Variants in EXOC6B observed in about 807,000 individuals in gnomAD.
EXOC6B encodes SEC15 homolog B.
EXOC6B carries 54 observed loss-of-function variants against 113.5 expected under a neutral mutation model. The observed-to-expected ratio is 0.48, with a 90% CI of 0.38 to 0.60. EXOC6B has a LOEUF of 0.60. Among genes scored for constraint, EXOC6B ranks in the 20% least tolerant of loss-of-function variants. EXOC6B has a pLI of 0.00. For synonymous variants in EXOC6B, 357 were observed against 339.0 expected, an observed-to-expected ratio of 1.05 and a Z score of -0.58; for missense variants, 797 against 977.5, an observed-to-expected ratio of 0.82 and a Z score of 2.46.
rs57679690 is a variant in EXOC6B, at chr2:72,189,860, CT to C, written c.2197-5674del. 3.9e-3 allele frequency among the ~76,000 whole-genome samples: 343 copies of C among 87,194 alleles called. 1 individual carries two copies. The highest frequency in any genetic ancestry group is 0.01 in the African/African-American group (154 of 15,340). 57.2% of individuals were successfully genotyped at this position (87,194 alleles called of 152,430 possible). A position where few individuals can be genotyped will look rare whatever the true frequency, so the allele number is the denominator to read the frequency against. On this transcript the variant is annotated intron_variant, in intron 20 of 21. Transcript: ENST00000272427. ...TCTCTCTCTCTTTCTCCTTCTTCTT[CT>C]TTTTTTTTTTTTTTTTTTTGAGGCA...
intron 6 of EXOC6B, among the ~76,000 whole-genome samples, chr2:72,657,767 TA>T (rs1674702648): frequency 6.6e-6 from 1 of 151,184 alleles, no homozygotes; most frequent in African/African-American, 2.4e-5. Context: ...GAAATTCACA[TA>T]AGAGAAAAAT....
At chr2:72,201,359 A>G (rs41388) in intron 20 of EXOC6B, among the ~76,000 whole-genome samples, 47,133 of 151,962 alleles carry the variant, frequency 0.31, 7,963 homozygotes, top group African/African-American at 0.42. Flanking sequence ...TTGTGCCCAG[A>G]AAGCAGGCAG....
chr2:72,697,242 A>C (rs917515411), intron 6 of EXOC6B, among the ~76,000 whole-genome samples: 1 of 152,188 alleles, frequency 6.6e-6, no homozygotes, highest in African/African-American at 2.4e-5. Flanking sequence ...AGAATAGTAC[A>C]CATATATCAT....
At chr2:72,609,361 G>C (rs774678738) in intron 6 of EXOC6B, among the ~76,000 whole-genome samples, 1 of 151,974 alleles carries the variant, frequency 6.6e-6, no homozygotes, top group Non-Finnish European at 1.5e-5. Flanking sequence ...AGAGGGAAAA[G>C]GTAGACCATT....
intron 20 of EXOC6B, among the ~76,000 whole-genome samples, chr2:72,328,927 G>A (rs1256796059): frequency 6.6e-6 from 1 of 151,952 alleles, no homozygotes; most frequent in Non-Finnish European, 1.5e-5. Context: ...AATTCCATGA[G>A]TTATCAAGTT....
At chr2:72,259,636 T>G (rs1231874745) in intron 20 of EXOC6B, among the ~76,000 whole-genome samples, 1 of 152,230 alleles carries the variant, frequency 6.6e-6, no homozygotes, top group Non-Finnish European at 1.5e-5. Context: ...CCATTTTATA[T>G]GCCTACCAAC....
intron 20 of EXOC6B, among the ~76,000 whole-genome samples, chr2:72,306,183 A>T (rs1286311924): frequency 6.6e-6 from 1 of 152,210 alleles, no homozygotes; most frequent in African/African-American, 2.4e-5. Flanking sequence ...CATTATTTAT[A>T]AAAAACAAGG....
At chr2:72,471,405 C>T (rs895841217) in intron 17 of EXOC6B, among the ~76,000 whole-genome samples, 3 of 152,110 alleles carry the variant, frequency 2.0e-5, no homozygotes, top group Admixed American at 6.6e-5. Flanking sequence ...TTCTCCCATT[C>T]TGTAGGTTGC....
At chr2:72,746,865 C>CA (rs1681732384) in intron 1 of EXOC6B, among the ~76,000 whole-genome samples, 1 of 151,958 alleles carries the variant, frequency 6.6e-6, no homozygotes, top group Non-Finnish European at 1.5e-5. Context: ...CATGGGCCCC[C>CA]AAAATGTTAG....
At chr2:72,653,943 T>A (rs1674400091) in intron 6 of EXOC6B, among the ~76,000 whole-genome samples, 1 of 151,210 alleles carries the variant, frequency 6.6e-6, no homozygotes, top group African/African-American at 2.4e-5. Flanking sequence ...GATAATGTAT[T>A]ATGGTACAAT....
intron 7 of EXOC6B, 105 bp downstream of exon 7, chr2:72,575,387 G>T: frequency 1.0e-6 from 1 of 989,732 alleles, no homozygotes; most frequent in Non-Finnish European, 1.4e-6. Flanking sequence ...TTGATATTCA[G>T]AAGATCACAC....
At chr2:72,261,689 TA>T (rs1258151642) in intron 20 of EXOC6B, among the ~76,000 whole-genome samples, 2 of 152,190 alleles carry the variant, frequency 1.3e-5, no homozygotes, top group Non-Finnish European at 1.5e-5. Context: ...AACGCAAAAG[TA>T]AGTATATACA....
intron 1 of EXOC6B, among the ~76,000 whole-genome samples, chr2:72,817,782 G>A (rs1394923481): frequency 1.3e-5 from 2 of 152,034 alleles, no homozygotes; most frequent in South Asian, 2.1e-4. Context: ...CTAATCCATC[G>A]TTTTGGCACT....
intron 18 of EXOC6B, among the ~76,000 whole-genome samples, chr2:72,405,960 CT>C (rs1298898416): frequency 6.6e-6 from 1 of 152,128 alleles, no homozygotes; most frequent in Admixed American, 6.5e-5. Context: ...GGAAACCCAT[CT>C]CACAGGCAGA....
chr2:72,514,316 G>A (rs1399538496), intron 10 of EXOC6B, among the ~76,000 whole-genome samples: 4 of 151,656 alleles, frequency 2.6e-5, no homozygotes, highest in Admixed American at 6.6e-5. Flanking sequence ...TGATTATTTG[G>A]TTCCATTTAC....
At chr2:72,745,559 T>G (rs1681642117) in intron 1 of EXOC6B, among the ~76,000 whole-genome samples, 1 of 152,120 alleles carries the variant, frequency 6.6e-6, no homozygotes, top group Non-Finnish European at 1.5e-5. Context: ...AGGAAATCCA[T>G]GATTCCCAGA....
At chr2:72,307,161 G>GTT (rs1553371308) in intron 20 of EXOC6B, among the ~76,000 whole-genome samples, 27 of 128,472 alleles carry the variant, frequency 2.1e-4, no homozygotes, top group Non-Finnish European at 3.3e-4. Flanking sequence ...GTATAGTCCA[G>GTT]TTTTTTTTTT....
intron 18 of EXOC6B, among the ~76,000 whole-genome samples, chr2:72,443,377 G>A (rs1176195215): frequency 6.7e-6 from 1 of 150,002 alleles, no homozygotes; most frequent in African/African-American, 2.4e-5. Context: ...AAACAGAACA[G>A]AGAACCCAGA....
intron 7 of EXOC6B, among the ~76,000 whole-genome samples, chr2:72,560,097 A>C (rs1482068232): frequency 6.6e-6 from 1 of 152,190 alleles, no homozygotes; most frequent in Non-Finnish European, 1.5e-5. Context: ...TCAAACCAAG[A>C]AGTAATACCA....
Sources: gnomAD v4.1 joint callset for allele counts (sites outside exome capture counted in the v4.1 genomes callset) on GRCh38, gnomAD v4.1.1 for gene constraint, MANE v1.5 for transcripts, NCBI Gene and HGNC (gene_info 2026-07-23, HGNC 2026-07-21) for gene names.